SYNE2: variants seen among roughly 807,000 people sequenced by gnomAD.
SYNE2 encodes spectrin repeat containing nuclear envelope protein 2, also known as nesprin-2.
SYNE2 carries 431 observed loss-of-function variants against 856.3 expected under a neutral mutation model. That is an observed-to-expected ratio of 0.50 (90% CI 0.47 to 0.55). The LOEUF is 0.55. Ranked by LOEUF, SYNE2 falls within the 20% of genes least tolerant of loss-of-function variation. The pLI is 0.00. For synonymous variants in SYNE2, 2,923 were observed against 2,872.3 expected, an observed-to-expected ratio of 1.02 and a Z score of -0.56; for missense variants, 8,129 against 8,023.2, an observed-to-expected ratio of 1.01 and a Z score of -0.50.
intron 1 of SYNE2, among the ~76,000 whole-genome samples, chr14:63,869,785 A>G (rs1176666738): frequency 2.0e-5 from 3 of 151,976 alleles, no homozygotes; most frequent in Non-Finnish European, 4.4e-5. Flanking sequence ...TCTCGCACTA[A>G]TCTTTGAGTT....
intron 1 of SYNE2, among the ~76,000 whole-genome samples, chr14:63,859,492 A>G (rs1398821956): frequency 2.0e-5 from 3 of 151,962 alleles, no homozygotes; most frequent in Non-Finnish European, 2.9e-5. Context: ...AAATTTTGAT[A>G]TGGTGTGATT....
At chr14:63,877,929 C>G (rs1203792417) in intron 1 of SYNE2, among the ~76,000 whole-genome samples, 1 of 151,634 alleles carries the variant, frequency 6.6e-6, no homozygotes, top group Non-Finnish European at 1.5e-5. Context: ...ATTCTGTTGC[C>G]CAGGCTGGAG....
At chr14:63,778,211 T>C (rs986510112) in intron 1 of SYNE2, among the ~76,000 whole-genome samples, 1 of 152,166 alleles carries the variant, frequency 6.6e-6, no homozygotes, top group African/African-American at 2.4e-5. Flanking sequence ...TAAGGCAGTT[T>C]TCCCTGCTCT....
chr14:64,110,142 C>T (rs140867660), intron 65 of SYNE2, among the ~76,000 whole-genome samples: 522 of 151,498 alleles, frequency 3.4e-3, no homozygotes, highest in African/African-American at 0.012. Context: ...CAGGTATAAG[C>T]AGTGGGGGAG....
At chr14:63,888,678 C>G (rs745335959) in intron 1 of SYNE2, among the ~76,000 whole-genome samples, 12 of 152,254 alleles carry the variant, frequency 7.9e-5, no homozygotes, top group Admixed American at 2.6e-4. Flanking sequence ...AAATTATTGA[C>G]AAGTAAAAAT....
rs1230714520 is a variant in SYNE2, at chr14:63,815,137, CAT to C, written c.-304-37356_-304-37355del. 1.3e-4 allele frequency among the ~76,000 whole-genome samples: 15 copies of C among 119,084 alleles called. 2 individuals are homozygous for C. Among genetic ancestry groups the C allele is most frequent in the Non-Finnish European group, 2.1e-4 (12 of 57,990 alleles). The allele number at this position is 119,084 out of a possible 152,430, so 78.1% of individuals were successfully genotyped here. A position where few individuals can be genotyped will look rare whatever the true frequency, so the allele number is the denominator to read the frequency against. ...ATCCATATATATCCACATATATATC[CAT>C]ATATATACACATATATATCCATATA... On this transcript the variant is annotated intron_variant, in intron 1 of 23. Transcript: ENST00000674003.
intron 2 of SYNE2, among the ~76,000 whole-genome samples, chr14:63,931,290 G>A (rs912360104): frequency 3.9e-5 from 6 of 152,100 alleles, no homozygotes; most frequent in African/African-American, 1.2e-4. Flanking sequence ...AGTGGCTCAC[G>A]CCTGTAATCC....
intron 1 of SYNE2, among the ~76,000 whole-genome samples, chr14:63,845,181 C>T (rs1415918667): frequency 1.3e-5 from 2 of 151,850 alleles, no homozygotes; most frequent in East Asian, 1.9e-4. Context: ...TTTGGGAGGC[C>T]GAGGCAGGTG....
In SYNE2 at chr14:64,049,653, C is replaced by T; in HGVS notation, c.7420C>T (p.Pro2474Ser). Residue 2474 changes from proline to serine, a missense_variant, in exon 47 of 116, where the codon CCA (proline) becomes TCA (serine). This residue lies in a region of SYNE2 where 5,410 missense variants were observed against 5,284.8 expected (regional missense o/e 1.02). Coordinates refer to ENST00000555002, the MANE Select transcript of SYNE2 (RefSeq NM_182914.3). Reference protein sequence around the residue: ...QLEAKKAAIKPLEQTECLNKT... With the variant: ...QLEAKKAAIKSLEQTECLNKT... ...GGAAGCAAAGAAAGCAGCCATTAAG[C>T]CACTGGAACAAACAGAATGTCTTAA... 6.2e-7 allele frequency: 1 copy of T among 1,613,998 alleles called. No individual in the cohort carries two copies. Among genetic ancestry groups the T allele is most frequent in the Non-Finnish European group, 8.5e-7 (1 of 1,180,004 alleles).
At chr14:64,213,034 C>A (rs2098649439) in intron 105 of SYNE2, 29 bp downstream of exon 105, 1 of 1,611,626 alleles carries the variant, frequency 6.2e-7, no homozygotes, top group Non-Finnish European at 8.5e-7. Context: ...AGAAATGGCA[C>A]CTGGGCTGCT....
At chr14:63,782,216 G>A (rs952643396) in intron 1 of SYNE2, among the ~76,000 whole-genome samples, 2 of 151,964 alleles carry the variant, frequency 1.3e-5, no homozygotes, top group Non-Finnish European at 2.9e-5. Context: ...GCTCACGCCT[G>A]TAATCCCAGC....
At chr14:64,111,625 C>G (rs1455103777) in intron 65 of SYNE2, among the ~76,000 whole-genome samples, 1 of 151,934 alleles carries the variant, frequency 6.6e-6, no homozygotes, top group Non-Finnish European at 1.5e-5. Flanking sequence ...ATGACAAAAC[C>G]CTGCCTCTAC....
intron 1 of SYNE2, among the ~76,000 whole-genome samples, chr14:63,906,620 T>C (rs911597483): frequency 8.5e-5 from 13 of 152,208 alleles, no homozygotes; most frequent in African/African-American, 3.1e-4. Flanking sequence ...GTGGATCTTT[T>C]GTATTTCTGA....
chr14:63,948,802 A>G (rs757275256), intron 6 of SYNE2, among the ~76,000 whole-genome samples: 7,648 of 106,966 alleles, frequency 0.071, 639 homozygotes, highest in Admixed American at 0.084. Context: ...ATATATATAT[A>G]TATATATATA....
chr14:63,951,425 C>T (rs1175579904), intron 7 of SYNE2, among the ~76,000 whole-genome samples: 1 of 152,128 alleles, frequency 6.6e-6, no homozygotes, highest in Non-Finnish European at 1.5e-5. Flanking sequence ...GCCTCAGCCT[C>T]CCCTGTAGCT....
intron 45 of SYNE2, among the ~76,000 whole-genome samples, chr14:64,038,262 C>T (rs1241968033): frequency 3.3e-5 from 5 of 150,136 alleles, no homozygotes; most frequent in Admixed American, 2.0e-4. Flanking sequence ...GGAAGAGGCG[C>T]TCCTCACTTC....
In SYNE2 at chr14:64,093,451, G is replaced by A. The variant is rs1192622973; in HGVS notation, c.12079G>A (p.Asp4027Asn). ...GTTCTCCCTTGAACATATGTCACCA[G>A]ACCAAGCTGACAAGCTGCCACAACT... ...AQFSLEHMSPDQADKLPQLQG... is the reference protein window; with the variant it reads ...AQFSLEHMSPNQADKLPQLQG... The change falls in exon 61 of 116, where the codon GAC (aspartate) becomes AAC (asparagine). Residue 4027 changes from aspartate (D) to asparagine (N), a missense_variant. Coordinates refer to ENST00000555002, the MANE Select transcript of SYNE2 (RefSeq NM_182914.3). The A allele has an allele frequency of 6.2e-7, 1 of 1,614,096 alleles. No individual in the cohort carries two copies. The highest frequency in any genetic ancestry group is 1.1e-5 in the South Asian group (1 of 91,074).
At chr14:64,170,150 TGA>T in intron 93 of SYNE2, 76 bp from the exon 94 acceptor site, 1 of 1,358,946 alleles carries the variant, frequency 7.4e-7, no homozygotes, top group Non-Finnish European at 1.0e-6. Context: ...AAACTGAATC[TGA>T]GCTGCTATTA....
intron 2 of SYNE2, among the ~76,000 whole-genome samples, chr14:63,909,534 T>C (rs1287726126): frequency 6.6e-6 from 1 of 152,150 alleles, no homozygotes; most frequent in South Asian, 2.1e-4. Context: ...TATCTTTTTG[T>C]GTAGCTTCTT....
Sources: gnomAD v4.1 joint callset for allele counts (sites outside exome capture counted in the v4.1 genomes callset) on GRCh38, gnomAD v4.1.1 for gene constraint, gnomAD v4.1.1 regional missense constraint, MANE v1.5 for transcripts, NCBI Gene and HGNC (gene_info 2026-07-23, HGNC 2026-07-21) for gene names.